The following NFATC1 variants were observed in gnomAD, a reference collection of about 807,000 sequenced individuals.
The protein encoded by NFATC1 is nuclear factor of activated T cells 1.
In NFATC1, 22 loss-of-function variants were observed where a neutral mutation model predicts 76.0. The observed-to-expected ratio is 0.29, with a 90% CI of 0.21 to 0.41. The LOEUF is 0.41. NFATC1 is among the 10% of genes least tolerant of loss of function. The pLI, the probability that NFATC1 is intolerant of heterozygous loss-of-function variation, is 1.00. For synonymous variants in NFATC1, 704 were observed against 613.1 expected (o/e 1.15, Z -2.19); for missense variants, 1,357 against 1,337.7 (o/e 1.01, Z -0.23).
At chr18:79,460,950 T>C (rs990326607) in intron 6 of NFATC1, among the ~76,000 whole-genome samples, 1 of 152,098 alleles carries the variant, frequency 6.6e-6, no homozygotes, top group African/African-American at 2.4e-5. Context: ...ATAGAGACCC[T>C]CCCGTGACCT....
chr18:79,478,636 C>T (rs566543998), intron 8 of NFATC1, among the ~76,000 whole-genome samples: 3 of 152,192 alleles, frequency 2.0e-5, no homozygotes, highest in East Asian at 1.9e-4. Flanking sequence ...TGACGATGGC[C>T]GTGGCGGGGG....
At chr18:79,491,822 C>T (rs567469684) in intron 9 of NFATC1, among the ~76,000 whole-genome samples, 46 of 152,174 alleles carry the variant, frequency 3.0e-4, no homozygotes, top group South Asian at 8.3e-4. Context: ...CTCGTGGGGC[C>T]GGGGACTCAG....
chr18:79,502,435 G>C (rs1196242798), intron 9 of NFATC1, among the ~76,000 whole-genome samples: 4 of 152,152 alleles, frequency 2.6e-5, no homozygotes, highest in Admixed American at 1.3e-4. Context: ...TCTTAGATAT[G>C]ACATCAAAAG....
In NFATC1 at chr18:79,524,504, C is replaced by T. The variant is rs2090697850; in HGVS notation, c.2783-3024C>T. ...GTGCCTGGGCTGTGTCTGGTCCCGG[C>T]CACGCGTCCCTGCAGCGTCTGAGAC... On this transcript the variant is annotated intron_variant, in intron 9 of 9. Coordinates refer to ENST00000427363, the MANE Select transcript of NFATC1 (RefSeq NM_001278669.2). This position sits in a 1 kb window ranked among gnomAD's most constrained non-coding sequence, Gnocchi z 7.2. Among the ~76,000 whole-genome samples the T allele has an allele frequency of 6.6e-6, 1 of 152,208 alleles. No individual in the cohort carries two copies. Among genetic ancestry groups the T allele is most frequent in the Admixed American group, 6.5e-5 (1 of 15,284 alleles).
chr18:79,507,584 T>C (rs775762040), intron 9 of NFATC1, among the ~76,000 whole-genome samples: 1 of 152,150 alleles, frequency 6.6e-6, no homozygotes, highest in Non-Finnish European at 1.5e-5. Flanking sequence ...GGCCCAGATG[T>C]CCTCCCTGGC....
intron 9 of NFATC1, among the ~76,000 whole-genome samples, chr18:79,508,735 A>C (rs111971103): frequency 6.9e-6 from 1 of 145,570 alleles, no homozygotes; most frequent in Non-Finnish European, 1.5e-5. Context: ...CCCTCTCTCC[A>C]TCCATCTCTC....
chr18:79,441,864 C>T (rs1223947260), intron 3 of NFATC1, among the ~76,000 whole-genome samples: 1 of 151,906 alleles, frequency 6.6e-6, no homozygotes, highest in Non-Finnish European at 1.5e-5. Context: ...GGTTTCTCAG[C>T]ATGGATTAAT....
intron 2 of NFATC1, 149 bp downstream of exon 2, chr18:79,411,650 C>T: frequency 1.9e-6 from 1 of 534,794 alleles, no homozygotes; most frequent in Non-Finnish European, 2.6e-6. Context: ...CCTCGTGGAG[C>T]TGGGAGGCAG....
At chr18:79,434,739 TAA>T (rs945037043) in intron 3 of NFATC1, among the ~76,000 whole-genome samples, 1 of 152,210 alleles carries the variant, frequency 6.6e-6, no homozygotes, top group Non-Finnish European at 1.5e-5. Flanking sequence ...TCCATTTAGA[TAA>T]ATAGTGGAGA....
intron 9 of NFATC1, among the ~76,000 whole-genome samples, chr18:79,503,851 A>G (rs1237914037): frequency 6.6e-6 from 1 of 152,240 alleles, no homozygotes; most frequent in Non-Finnish European, 1.5e-5. Context: ...AACTTGCTGC[A>G]GCTTCCCCAT....
At chr18:79,479,520 G>A (rs1384244323) in intron 8 of NFATC1, among the ~76,000 whole-genome samples, 3 of 152,252 alleles carry the variant, frequency 2.0e-5, no homozygotes, top group South Asian at 2.1e-4. Flanking sequence ...TTTAGGCCAA[G>A]CCCAGGTGCA....
intron 1 of NFATC1, among the ~76,000 whole-genome samples, chr18:79,409,256 C>T (rs1372263936): frequency 2.0e-5 from 3 of 147,266 alleles, no homozygotes; most frequent in Admixed American, 1.4e-4. Flanking sequence ...TCCTCCATTC[C>T]CTATCCATCC....
intron 6 of NFATC1, among the ~76,000 whole-genome samples, chr18:79,452,913 T>G (rs1434633758): frequency 6.6e-6 from 1 of 152,204 alleles, no homozygotes; most frequent in African/African-American, 2.4e-5. Flanking sequence ...GCGGAGGCAT[T>G]CAGCCTTGAT....
At chr18:79,437,633 A>T (rs1467829885) in intron 3 of NFATC1, among the ~76,000 whole-genome samples, 1 of 152,156 alleles carries the variant, frequency 6.6e-6, no homozygotes, top group Non-Finnish European at 1.5e-5. Context: ...CCCAAATCCC[A>T]GCTCACACTG....
intron 1 of NFATC1, among the ~76,000 whole-genome samples, chr18:79,408,373 G>A (rs2085513216): frequency 6.6e-6 from 1 of 152,216 alleles, no homozygotes; most frequent in Admixed American, 6.5e-5. Context: ...GAGGTTCCAA[G>A]ATGTCATAAA....
chr18:79,469,197 T>C (rs1418132180), intron 8 of NFATC1: 1 of 321,846 alleles, frequency 3.1e-6, no homozygotes, highest in Non-Finnish European at 4.5e-6. Context: ...GAAAATATAA[T>C]GATTGAGTCC....
At chr18:79,474,141 T>C (rs2088922455) in intron 8 of NFATC1, among the ~76,000 whole-genome samples, 1 of 118,034 alleles carries the variant, frequency 8.5e-6, no homozygotes. Flanking sequence ...GCTGTCGACG[T>C]TGTAAACCTG....
intron 9 of NFATC1, among the ~76,000 whole-genome samples, chr18:79,490,102 GCCCCC>G (rs896000767): frequency 1.3e-5 from 2 of 151,852 alleles, no homozygotes; most frequent in South Asian, 4.2e-4. Flanking sequence ...CCCCGCCCCC[GCCCCC>G]CCGTGGGCAG....
At chr18:79,435,144 A>C (rs2086726814) in intron 3 of NFATC1, among the ~76,000 whole-genome samples, 1 of 152,110 alleles carries the variant, frequency 6.6e-6, no homozygotes, top group African/African-American at 2.4e-5. Context: ...TGAAAGGAGG[A>C]GTGGAAATAA....
Sources: gnomAD v4.1 joint callset for allele counts (sites outside exome capture counted in the v4.1 genomes callset) on GRCh38, gnomAD v4.1.1 for gene constraint, Gnocchi (gnomAD v3.1) non-coding constraint, MANE v1.5 for transcripts, NCBI Gene and HGNC (gene_info 2026-07-23, HGNC 2026-07-21) for gene names.